CYFIP2: variants seen among roughly 807,000 people sequenced by gnomAD.
CYFIP2 encodes cytoplasmic FMR1-interacting protein 2.
A neutral mutation model predicts 158.7 loss-of-function variants in CYFIP2; 29 were observed. That is an observed-to-expected ratio of 0.18 (90% CI 0.14 to 0.25). CYFIP2 has a LOEUF of 0.25. Ranked by LOEUF, CYFIP2 falls within the 10% of genes least tolerant of loss-of-function variation. The probability of loss-of-function intolerance (pLI) is 1.00; values close to 1 mark genes in which losing one functional copy is unlikely to be tolerated. For synonymous variants in CYFIP2, 585 were observed against 617.6 expected (o/e 0.95, Z 0.78); for missense variants, 852 against 1,639.5 (o/e 0.52, Z 8.29).
intron 19 of CYFIP2, among the ~76,000 whole-genome samples, chr5:157,330,239 A>G (rs1272571713): frequency 8.8e-6 from 1 of 113,368 alleles, no homozygotes; most frequent in African/African-American, 3.3e-5. Flanking sequence ...TGAGATTTAA[A>G]ATGTGTGTGT....
In CYFIP2 at chr5:157,342,712, T is replaced by C. The variant is rs892736897; in HGVS notation, c.2673+1555T>C. On this transcript the variant is annotated intron_variant, in intron 23 of 30. Transcript: ENST00000620254. ...ATACATTTTCCAGCTTGAGAAGCTT[T>C]GTCATGGGGCATTCATCCAACCCAG... 26 of 737,924 alleles carry C rather than the reference T, an allele frequency of 3.5e-5. No homozygotes were observed. The South Asian group carries it at 5.7e-4, about 16-fold the overall frequency. The allele number at this position is 737,924 out of a possible 1,614,324, so 45.7% of individuals were successfully genotyped here.
At position 157,361,113 on chromosome 5, in the gene CYFIP2, G is replaced by T. The variant is rs1227746658; in HGVS notation, c.2909-355G>T. On this transcript the variant is annotated intron_variant, in intron 25 of 30. Transcript: ENST00000620254. The surrounding 1 kb of genome is among the most constrained non-coding windows in gnomAD (Gnocchi z 4.4). ...TGAGATATTACAGATAAAGTGCTCA[G>T]CACAATATCTGACACCTACTAATAA... Among the ~76,000 whole-genome samples the T allele has an allele frequency of 6.6e-6, 1 of 152,192 alleles. No homozygotes were observed. The highest frequency in any genetic ancestry group is 1.5e-5 in the Non-Finnish European group (1 of 68,040).
At chr5:157,358,900 G>GT in intron 23 of CYFIP2, 105 bp from the exon 24 acceptor site, 2 of 1,455,396 alleles carry the variant, frequency 1.4e-6, no homozygotes, top group Non-Finnish European at 1.9e-6. Flanking sequence ...GAGCACGCTC[G>GT]TAACACTGGG....
chr5:157,373,594 T>C (rs1019720996), intron 26 of CYFIP2, among the ~76,000 whole-genome samples: 3 of 152,186 alleles, frequency 2.0e-5, no homozygotes, highest in Admixed American at 2.0e-4. Flanking sequence ...AGGATGATCA[T>C]TTTAAAAAGG....
At chr5:157,360,170 T>C in intron 24 of CYFIP2, 112 bp from the exon 25 acceptor site, 1 of 816,126 alleles carries the variant, frequency 1.2e-6, no homozygotes, top group Non-Finnish European at 2.0e-6. Context: ...AAAGGGACTG[T>C]TCCCCGCCTT....
chr5:157,381,792 T>C (rs1360782181), intron 26 of CYFIP2, among the ~76,000 whole-genome samples: 1 of 151,330 alleles, frequency 6.6e-6, no homozygotes, highest in Non-Finnish European at 1.5e-5. Context: ...TTTTCTCAGA[T>C]GCTTAGAATC....
intron 23 of CYFIP2, among the ~76,000 whole-genome samples, chr5:157,353,172 C>T (rs958020005): frequency 6.6e-6 from 1 of 152,140 alleles, no homozygotes; most frequent in Non-Finnish European, 1.5e-5. Context: ...ACAATGTGGG[C>T]GGCTGTGACG....
At chr5:157,327,159 G>A (rs1188285640) in intron 18 of CYFIP2, among the ~76,000 whole-genome samples, 1 of 152,144 alleles carries the variant, frequency 6.6e-6, no homozygotes. Context: ...GAGCATCACA[G>A]TCTATCACTG....
At chr5:157,343,075 C>A (rs1206437029) in intron 23 of CYFIP2, 1 of 1,613,850 alleles carries the variant, frequency 6.2e-7, no homozygotes, top group Non-Finnish European at 8.5e-7. Flanking sequence ...ACCCATTGGC[C>A]TCCTCCATGT....
rs550124114 is a variant in CYFIP2 at position 157,393,213 on chromosome 5, A to T, written c.*213A>T. ...GTTTCTCCATAGCATAAATGAAAAAAAAAAAAAAAAAGTAAACAGGGCAGT... is the reference window on the plus strand; with the variant it reads ...GTTTCTCCATAGCATAAATGAAAAATAAAAAAAAAAAGTAAACAGGGCAGT... On this transcript the variant is annotated 3_prime_UTR_variant, in exon 31 of 31. Coordinates refer to ENST00000620254, the MANE Select transcript of CYFIP2 (RefSeq NM_001037333.3). 2.3e-6 allele frequency: 1 copy of T among 438,896 alleles called. No homozygotes were observed. The highest frequency in any genetic ancestry group is 5.7e-5 in the South Asian group (1 of 17,558). 27.2% of individuals were successfully genotyped at this position (438,896 alleles called of 1,614,324 possible). A position where few individuals can be genotyped will look rare whatever the true frequency, so the allele number is the denominator to read the frequency against.
chr5:157,363,042 A>C (rs1207567098), intron 26 of CYFIP2: 2 of 152,266 alleles, frequency 1.3e-5, no homozygotes, highest in African/African-American at 2.4e-5. Flanking sequence ...CCCCCCGTAC[A>C]TCTCCCTCTT....
chr5:157,323,027 G>A (rs933397671), intron 15 of CYFIP2: 36 of 1,535,826 alleles, frequency 2.3e-5, no homozygotes, highest in African/African-American at 8.2e-5. Flanking sequence ...GTATCACACC[G>A]CCTGGCTGGG....
chr5:157,285,661 G>A (rs145170129), intron 2 of CYFIP2, among the ~76,000 whole-genome samples, 183 bp downstream of exon 2: 3 of 152,316 alleles, frequency 2.0e-5, no homozygotes, highest in South Asian at 2.1e-4. Flanking sequence ...TAAATGTGCC[G>A]CAGGACTGTT....
chr5:157,324,165 G>A, intron 16 of CYFIP2, 91 bp downstream of exon 16: 1 of 1,435,992 alleles, frequency 7.0e-7, no homozygotes, highest in Non-Finnish European at 9.3e-7. Context: ...ATTGCAAAGG[G>A]ACGTGACCGT....
At chr5:157,358,880 G>A (rs78373184) in intron 23 of CYFIP2, 125 bp from the exon 24 acceptor site, 62,935 of 1,236,762 alleles carry the variant, frequency 0.051, 1,911 homozygotes, top group Middle Eastern at 0.091. Flanking sequence ...CATATTCATG[G>A]GGCTCCAGTG....
intron 26 of CYFIP2, among the ~76,000 whole-genome samples, chr5:157,381,044 A>C (rs566108713): frequency 4.6e-5 from 7 of 152,320 alleles, no homozygotes; most frequent in African/African-American, 1.7e-4. Flanking sequence ...GCAAAACCCC[A>C]TCTCTACTAA....
chr5:157,381,829 C>T (rs1766145535), intron 26 of CYFIP2, among the ~76,000 whole-genome samples: 1 of 150,664 alleles, frequency 6.6e-6, no homozygotes, highest in African/African-American at 2.4e-5. Context: ...TGAAATGGAG[C>T]CTGGATCCTA....
chr5:157,283,562 AG>A (rs2113838264), intron 1 of CYFIP2, among the ~76,000 whole-genome samples: 1 of 152,280 alleles, frequency 6.6e-6, no homozygotes, highest in South Asian at 2.1e-4. Context: ...AAACCACCAT[AG>A]GAGACCAGCC....
At chr5:157,384,962 A>AAAAAAC (rs1766520232) in intron 28 of CYFIP2, 2 of 162,744 alleles carry the variant, frequency 1.2e-5, no homozygotes, top group Non-Finnish European at 2.6e-5. Flanking sequence ...AAAAAAAAAA[A>AAAAAAC]AGCAGCTAAT....
Sources: gnomAD v4.1 joint callset for allele counts (sites outside exome capture counted in the v4.1 genomes callset) on GRCh38, gnomAD v4.1.1 for gene constraint, Gnocchi (gnomAD v3.1) non-coding constraint, MANE v1.5 for transcripts, NCBI Gene and HGNC (gene_info 2026-07-23, HGNC 2026-07-21) for gene names.